MEF2A: variants seen among roughly 807,000 people sequenced by gnomAD.
The protein encoded by MEF2A is myocyte-specific enhancer factor 2A.
A neutral mutation model predicts 55.8 loss-of-function variants in MEF2A; 28 were observed. The ratio of observed to expected loss-of-function variants is 0.50; its 90% CI spans 0.37 to 0.69. The LOEUF (loss-of-function observed/expected upper bound fraction) is 0.69, where lower values mean the gene tolerates loss of function less well. MEF2A is among the 30% of genes least tolerant of loss of function. The probability of loss-of-function intolerance (pLI) is 0.00; values close to 1 mark genes in which losing one functional copy is unlikely to be tolerated. For synonymous variants in MEF2A, 239 were observed against 227.1 expected, an observed-to-expected ratio of 1.05 and a Z score of -0.47; for missense variants, 528 against 626.2, an observed-to-expected ratio of 0.84 and a Z score of 1.67.
intron 1 of MEF2A, among the ~76,000 whole-genome samples, chr15:99,567,694 T>A (rs528692610): frequency 1.6e-4 from 24 of 152,090 alleles, no homozygotes; most frequent in Non-Finnish European, 2.9e-4. Context: ...TCCATTTCTT[T>A]TTCTGTAAAT....
chr15:99,587,105 C>T (rs540024370), intron 1 of MEF2A, among the ~76,000 whole-genome samples: 21 of 151,650 alleles, frequency 1.4e-4, no homozygotes, highest in South Asian at 6.3e-4. Flanking sequence ...ATGTGCAGAA[C>T]GTGGTGGTTT....
intron 4 of MEF2A, chr15:99,657,305 T>A (rs1416155880): frequency 3.5e-5 from 5 of 142,020 alleles, no homozygotes; most frequent in Non-Finnish European, 6.1e-5. Context: ...CTGTCCTACA[T>A]CTAACTTAAA....
intron 1 of MEF2A, among the ~76,000 whole-genome samples, chr15:99,595,403 C>T (rs1203191227): frequency 6.6e-6 from 1 of 152,020 alleles, no homozygotes; most frequent in Non-Finnish European, 1.5e-5. Flanking sequence ...TTTCCACCAA[C>T]CTACCACCTA....
intron 1 of MEF2A, chr15:99,566,438 CGGTGGGGCT>C (rs1405888859): frequency 3.8e-4 from 4 of 10,406 alleles, no homozygotes; most frequent in Admixed American, 1.4e-3. Flanking sequence ...GAGGGCGGGC[CGGTGGGGCT>C]GGATGGGGCT....
chr15:99,578,560 C>A (rs779919163), intron 1 of MEF2A, among the ~76,000 whole-genome samples: 1 of 152,298 alleles, frequency 6.6e-6, no homozygotes, highest in East Asian at 1.9e-4. Flanking sequence ...ATTTAGAAAC[C>A]GAGATCTGGG....
In MEF2A at chr15:99,690,468, A is replaced by G. The variant is rs750475454; in HGVS notation, c.858+40A>G. The stretch of plus-strand genomic sequence containing the variant: ...TCTTCAACTTCATTCTTTAAAACAC[A>G]TATTTTATACATAGTCAATCTGTAG... On this transcript the variant is annotated intron_variant, in intron 8 of 11. Coordinates refer to ENST00000557942, the MANE Select transcript of MEF2A (RefSeq NM_001319206.4). 53 of 1,516,922 alleles carry G rather than the reference A, an allele frequency of 3.5e-5. 1 individual carries two copies. Among genetic ancestry groups the G allele is most frequent in the Non-Finnish European group, 4.7e-5 (53 of 1,117,700 alleles). 94.0% of individuals were successfully genotyped at this position (1,516,922 alleles called of 1,614,324 possible).
chr15:99,665,591 TTAAAC>T (rs1346629587), intron 4 of MEF2A, among the ~76,000 whole-genome samples: 5 of 151,978 alleles, frequency 3.3e-5, no homozygotes, highest in Admixed American at 6.6e-5. Flanking sequence ...TAGGATCTGA[TTAAAC>T]TAAAGAGCTT....
chr15:99,641,536 A>C (rs1391997497), intron 3 of MEF2A, among the ~76,000 whole-genome samples: 3 of 152,158 alleles, frequency 2.0e-5, no homozygotes, highest in Admixed American at 6.5e-5. Flanking sequence ...ATCCTGGCTA[A>C]CACGGTGAAA....
chr15:99,567,871 C>G (rs907114706), intron 1 of MEF2A, among the ~76,000 whole-genome samples: 4 of 152,042 alleles, frequency 2.6e-5, no homozygotes, highest in African/African-American at 9.7e-5. Context: ...TATTTTAATT[C>G]TCAGTGAGCA....
chr15:99,614,631 A>G (rs2039889887), intron 2 of MEF2A, among the ~76,000 whole-genome samples: 1 of 152,176 alleles, frequency 6.6e-6, no homozygotes, highest in African/African-American at 2.4e-5. Flanking sequence ...GCCATAAGAG[A>G]GAAGTACAGT....
At chr15:99,590,247 T>C (rs946834026) in intron 1 of MEF2A, among the ~76,000 whole-genome samples, 1 of 151,976 alleles carries the variant, frequency 6.6e-6, no homozygotes, top group Non-Finnish European at 1.5e-5. Context: ...AACGTATTCC[T>C]TCTCCTAAAA....
chr15:99,703,349 G>A lies in MEF2A; in HGVS notation c.859-13G>A. 6.2e-7 allele frequency: 1 copy of A among 1,612,558 alleles called. No homozygotes were observed. Among genetic ancestry groups the A allele is most frequent in the Non-Finnish European group, 8.5e-7 (1 of 1,179,100 alleles). ...TTAGTAACTCTCTTATCCCTCTTAT[G>A]TGCTGAGTACAGTCGGAGGAAGAGG... is the stretch of plus-strand genomic sequence containing the variant. On this transcript the variant is annotated splice_polypyrimidine_tract_variant and intron_variant, in intron 8 of 11. Transcript: ENST00000557942.
intron 1 of MEF2A, among the ~76,000 whole-genome samples, chr15:99,596,656 G>A (rs937109044): frequency 1.3e-5 from 2 of 152,124 alleles, no homozygotes; most frequent in Non-Finnish European, 2.9e-5. Context: ...TTGAATCACC[G>A]GATCATGCAA....
In MEF2A at chr15:99,702,577, G is replaced by T. The variant is rs1433835542; in HGVS notation, c.859-785G>T. Among the ~76,000 whole-genome samples the T allele has an allele frequency of 2.6e-5, 4 of 152,040 alleles. No homozygotes were observed. The South Asian group carries it at 8.3e-4, about 32-fold the overall frequency. On this transcript the variant is annotated intron_variant, in intron 8 of 11. Coordinates refer to ENST00000557942, the MANE Select transcript of MEF2A (RefSeq NM_001319206.4). ...TGAGTAGCTGGGATTATAGGCACCT[G>T]CCACCGCACCTGGCTAATTTTTGTA... is the stretch of plus-strand genomic sequence containing the variant.
intron 2 of MEF2A, among the ~76,000 whole-genome samples, chr15:99,625,955 A>C (rs1165816275): frequency 6.6e-6 from 1 of 152,096 alleles, no homozygotes; most frequent in Non-Finnish European, 1.5e-5. Flanking sequence ...TTTTGGTATT[A>C]GGGCAATAGG....
At position 99,655,073 on chromosome 15, in the gene MEF2A, A is replaced by G. The variant is rs553645660; in HGVS notation, c.258+9309A>G. ...CTAAACACAGTGGTAGAGAAAGGAT[A>G]GAATATCCTGATTGGCTTATTGTAG... is the stretch of plus-strand genomic sequence containing the variant. On this transcript the variant is annotated intron_variant, in intron 4 of 11. Coordinates refer to ENST00000557942, the MANE Select transcript of MEF2A (RefSeq NM_001319206.4). 1.2e-4 allele frequency among the ~76,000 whole-genome samples: 18 copies of G among 152,282 alleles called. No homozygotes were observed. The East Asian group carries it at 3.3e-3, about 28-fold the overall frequency.
chr15:99,712,961 T>TA lies in MEF2A; in HGVS notation c.*191dup. On this transcript the variant is annotated 3_prime_UTR_variant, in exon 12 of 12. Transcript: ENST00000557942. The surrounding 1 kb of genome is among the most constrained non-coding windows in gnomAD (Gnocchi z 4.1). ...TGTTACATACACAGAATCAGGCACT[T>TA]ACCTGCAAACTCCTTGTAGGTCTGC... 1 of 675,114 alleles carries TA rather than the reference T, an allele frequency of 1.5e-6. No homozygotes were observed. The highest frequency in any genetic ancestry group is 2.2e-5 in the South Asian group (1 of 45,646). 41.8% of individuals were successfully genotyped at this position (675,114 alleles called of 1,614,324 possible). A position where few individuals can be genotyped will look rare whatever the true frequency, so the allele number is the denominator to read the frequency against.
chr15:99,710,079 C>A (rs1339668410), intron 10 of MEF2A, among the ~76,000 whole-genome samples: 1 of 152,060 alleles, frequency 6.6e-6, no homozygotes, highest in East Asian at 1.9e-4. Context: ...TTTAAAGTAA[C>A]AATTGTACAG....
intron 4 of MEF2A, among the ~76,000 whole-genome samples, chr15:99,646,693 G>A (rs2046012051): frequency 6.6e-6 from 1 of 152,046 alleles, no homozygotes; most frequent in South Asian, 2.1e-4. Flanking sequence ...AGATAATTTA[G>A]CTGTTTTGTT....
Sources: allele counts gnomAD v4.1 joint callset (sites outside exome capture counted in the v4.1 genomes callset), GRCh38; gene constraint gnomAD v4.1.1; non-coding constraint Gnocchi (gnomAD v3.1); transcripts MANE v1.5; gene names NCBI Gene and HGNC (gene_info 2026-07-23, HGNC 2026-07-21).